The following BCAS3 variants were observed in gnomAD, a reference collection of about 807,000 sequenced individuals.
BCAS3 encodes the protein BCAS3 microtubule associated cell migration factor, also known as BCAS4/BCAS3 fusion.
A neutral mutation model predicts 116.1 loss-of-function variants in BCAS3; 53 were observed. That is an observed-to-expected ratio of 0.46 (90% CI 0.37 to 0.57). The LOEUF is 0.57. BCAS3 is among the 20% of genes least tolerant of loss of function. The pLI is 0.00. For missense variants in BCAS3, 917 were observed against 1,165.4 expected (o/e 0.79, Z 3.10); for synonymous variants, 391 against 408.2 (o/e 0.96, Z 0.51).
rs1354291647 is a variant in BCAS3 at position 60,902,724 on chromosome 17, G to T, written c.822+21G>T. The stretch of plus-strand genomic sequence containing the variant: ...CTAAAGTGAGTACCTCCGAAATCTT[G>T]GAGAGTTGTGGTTATGTGTAGTAAT... On this transcript the variant is annotated intron_variant, in intron 11 of 23. Coordinates refer to ENST00000407086, the MANE Select transcript of BCAS3 (RefSeq NM_017679.5). 9 of 1,531,280 alleles carry T rather than the reference G, an allele frequency of 5.9e-6. No homozygotes were observed. In the East Asian group the frequency reaches 2.0e-4, roughly 34 times the overall value. 94.9% of individuals were successfully genotyped at this position (1,531,280 alleles called of 1,614,324 possible).
At position 61,324,461 on chromosome 17, in the gene BCAS3, G is replaced by A. The variant is rs1410312931; in HGVS notation, c.2426-43866G>A. ...ATTAATATATGTACATGTAATATTT[G>A]TGTGCGTTTAATCCCAGTTCTAGTA... is the stretch of plus-strand genomic sequence containing the variant. On this transcript the variant is annotated intron_variant, in intron 22 of 23. Transcript: ENST00000407086. The surrounding 1 kb of genome is among the most constrained non-coding windows in gnomAD (Gnocchi z 4.6). 1.3e-5 allele frequency among the ~76,000 whole-genome samples: 2 copies of A among 152,222 alleles called. No individual in the cohort carries two copies. Among genetic ancestry groups the A allele is most frequent in the African/African-American group, 4.8e-5 (2 of 41,456 alleles).
chr17:60,704,945 G>T (rs2036919237), intron 4 of BCAS3, among the ~76,000 whole-genome samples: 2 of 152,056 alleles, frequency 1.3e-5, no homozygotes, highest in South Asian at 4.1e-4. Context: ...CCCAGACACG[G>T]TGTCTCTATC....
At chr17:60,683,505 CTTTTTTTTTTTTTTTTT>C (rs138663451) in intron 2 of BCAS3, among the ~76,000 whole-genome samples, 210 of 44,460 alleles carry the variant, frequency 4.7e-3, no homozygotes, top group African/African-American at 0.011. Context: ...AAGAGTTAGC[CTTTTTTTTTTTTTTTTT>C]TTTTTTTTTT....
At chr17:61,389,379 A>G (rs1158610062) in intron 23 of BCAS3, 1 of 152,668 alleles carries the variant, frequency 6.6e-6, no homozygotes, top group Non-Finnish European at 1.5e-5. Context: ...GCGGCAGGTC[A>G]TGGAGGGCCA....
chr17:60,801,385 A>AT (rs1213069807), intron 6 of BCAS3, among the ~76,000 whole-genome samples: 3 of 151,272 alleles, frequency 2.0e-5, no homozygotes, highest in East Asian at 1.9e-4. Flanking sequence ...TTTTTTTTTA[A>AT]TTTTTTTTGT....
chr17:61,359,224 G>T (rs1451336992), intron 22 of BCAS3, among the ~76,000 whole-genome samples: 1 of 152,160 alleles, frequency 6.6e-6, no homozygotes, highest in Non-Finnish European at 1.5e-5. Context: ...CCCCAAAGAA[G>T]AGCTGCTTAC....
At chr17:60,820,553 G>T (rs2144679174) in intron 7 of BCAS3, among the ~76,000 whole-genome samples, 1 of 152,236 alleles carries the variant, frequency 6.6e-6, no homozygotes, top group African/African-American at 2.4e-5. Flanking sequence ...CACTAAAATG[G>T]ATAGAAATAG....
Position 61,088,853 on chromosome 17 carries a change from T to C in BCAS3, c.2425+4289T>C, listed in dbSNP as rs1207597696. 2.6e-5 allele frequency among the ~76,000 whole-genome samples: 4 copies of C among 152,152 alleles called. No homozygotes were observed. Among genetic ancestry groups the C allele is most frequent in the Non-Finnish European group, 5.9e-5 (4 of 68,036 alleles). ...TTATCAAACTCTATTAAAGAAAACA[T>C]TTTATAAAGTTATGAGGTGTGGTGG... is the stretch of plus-strand genomic sequence containing the variant. On this transcript the variant is annotated intron_variant, in intron 22 of 23. Transcript: ENST00000407086. The surrounding 1 kb of genome is among the most constrained non-coding windows in gnomAD (Gnocchi z 4.2).
At chr17:61,153,097 C>G (rs937903608) in intron 22 of BCAS3, among the ~76,000 whole-genome samples, 3 of 152,204 alleles carry the variant, frequency 2.0e-5, no homozygotes, top group African/African-American at 7.2e-5. Flanking sequence ...CTTCCCATAG[C>G]TTCTGTAAAT....
chr17:60,977,116 C>CA (rs2062449983), intron 14 of BCAS3, among the ~76,000 whole-genome samples: 1 of 152,042 alleles, frequency 6.6e-6, no homozygotes. Context: ...GGCTGCCCCC[C>CA]ACCTCCCGGA....
chr17:61,020,810 T>A lies in BCAS3; in HGVS notation c.1637+4909T>A, dbSNP rs1034171107. On this transcript the variant is annotated intron_variant, in intron 16 of 23. Coordinates refer to ENST00000407086, the MANE Select transcript of BCAS3 (RefSeq NM_017679.5). This position sits in a 1 kb window ranked among gnomAD's most constrained non-coding sequence, Gnocchi z 4.5. ...TGCTTAAATCTAAAATTATTTATAT[T>A]TCCAAATTATTTTATGGACACAAGC... Among the ~76,000 whole-genome samples the A allele has an allele frequency of 6.6e-6, 1 of 152,308 alleles. No individual in the cohort carries two copies. Among genetic ancestry groups the A allele is most frequent in the East Asian group, 1.9e-4 (1 of 5,186 alleles).
At chr17:61,102,362 G>A (rs2191163) in intron 22 of BCAS3, among the ~76,000 whole-genome samples, 3 of 152,124 alleles carry the variant, frequency 2.0e-5, no homozygotes, top group Admixed American at 2.0e-4. Context: ...CATATTAAAT[G>A]ATATATAATG....
chr17:61,053,319 A>T (rs1327796551), intron 19 of BCAS3, among the ~76,000 whole-genome samples: 1 of 152,188 alleles, frequency 6.6e-6, no homozygotes, highest in Non-Finnish European at 1.5e-5. Flanking sequence ...ATATAAAGCC[A>T]TGCATTTGGG....
Position 61,286,809 on chromosome 17 carries a change from G to C in BCAS3, c.2426-81518G>C, listed in dbSNP as rs2051839882. ...GGCAAATTACACTACAGAGATCCTGGCCAGGGTGAGGAAAGACAGAGAATG... is the reference window on the plus strand; with the variant it reads ...GGCAAATTACACTACAGAGATCCTGCCCAGGGTGAGGAAAGACAGAGAATG... On this transcript the variant is annotated intron_variant, in intron 22 of 23. Transcript: ENST00000407086. The surrounding 1 kb of genome is among the most constrained non-coding windows in gnomAD (Gnocchi z 4.8). Among the ~76,000 whole-genome samples, 2 of 152,126 alleles carry C rather than the reference G, an allele frequency of 1.3e-5. No individual in the cohort carries two copies. The highest frequency in any genetic ancestry group is 2.4e-5 in the African/African-American group (1 of 41,420).
At chr17:60,866,983 G>A (rs940689524) in intron 7 of BCAS3, among the ~76,000 whole-genome samples, 3 of 151,650 alleles carry the variant, frequency 2.0e-5, no homozygotes, top group African/African-American at 7.3e-5. Context: ...GTCTTATTAT[G>A]TGGAATGCAT....
intron 22 of BCAS3, among the ~76,000 whole-genome samples, chr17:61,192,015 C>A (rs898872828): frequency 6.6e-6 from 1 of 151,688 alleles, no homozygotes; most frequent in Admixed American, 6.6e-5. Context: ...GAGGCCGAGG[C>A]GGGTGGATCA....
At chr17:60,740,188 A>G (rs1347498527) in intron 5 of BCAS3, among the ~76,000 whole-genome samples, 1 of 151,928 alleles carries the variant, frequency 6.6e-6, no homozygotes, top group Non-Finnish European at 1.5e-5. Context: ...TATGCTTTCT[A>G]ATTTTTTGTT....
At chr17:60,831,529 G>A (rs1040959627) in intron 7 of BCAS3, among the ~76,000 whole-genome samples, 2 of 152,144 alleles carry the variant, frequency 1.3e-5, no homozygotes, top group African/African-American at 4.8e-5. Flanking sequence ...GAAAACAATT[G>A]TTGTGACAAG....
At chr17:61,192,897 G>A (rs183614984) in intron 22 of BCAS3, among the ~76,000 whole-genome samples, 2 of 152,302 alleles carry the variant, frequency 1.3e-5, no homozygotes, top group South Asian at 2.1e-4. Context: ...GGAGTTGTTC[G>A]CTGGCAATTA....
Sources: allele counts gnomAD v4.1 joint callset (sites outside exome capture counted in the v4.1 genomes callset), GRCh38; gene constraint gnomAD v4.1.1; non-coding constraint Gnocchi (gnomAD v3.1); transcripts MANE v1.5; gene names NCBI Gene and HGNC (gene_info 2026-07-23, HGNC 2026-07-21).